The following RXRA variants were observed in gnomAD, a reference collection of about 807,000 sequenced individuals.
RXRA encodes the protein retinoid X receptor alpha, also known as retinoic acid receptor RXR-alpha.
RXRA carries 5 observed loss-of-function variants against 44.5 expected under a neutral mutation model. The observed-to-expected ratio is 0.11, with a 90% CI of 0.06 to 0.24. RXRA has a LOEUF of 0.24. Ranked by LOEUF, RXRA falls within the 10% of genes least tolerant of loss-of-function variation. RXRA has a pLI of 1.00. For synonymous variants in RXRA, 291 were observed against 271.4 expected (o/e 1.07, Z -0.71); for missense variants, 412 against 646.5 (o/e 0.64, Z 3.93).
At chr9:134,403,458 G>T (rs875444) in intron 2 of RXRA, 1 of 152,166 alleles carries the variant, frequency 6.6e-6, no homozygotes, top group Admixed American at 6.5e-5. Flanking sequence ...GCGAGAGGGC[G>T]ATGAAGACTC....
intron 7 of RXRA, among the ~76,000 whole-genome samples, chr9:134,431,644 AG>A (rs1264719040): frequency 2.0e-5 from 3 of 152,146 alleles, no homozygotes; most frequent in Non-Finnish European, 4.4e-5. Context: ...CCCAGAATAA[AG>A]CCCCGCAGGC....
At chr9:134,425,388 A>C (rs919402715) in intron 6 of RXRA, 2 of 985,056 alleles carry the variant, frequency 2.0e-6, no homozygotes, top group African/African-American at 3.5e-5. Context: ...AAACTGAGAC[A>C]GGGCCGGGTC....
At chr9:134,354,176 G>A (rs954212086) in intron 1 of RXRA, among the ~76,000 whole-genome samples, 1 of 152,144 alleles carries the variant, frequency 6.6e-6, no homozygotes. Flanking sequence ...AGGGAAGGTG[G>A]GTTGGTGGAT....
rs566185255 is a variant in RXRA, at chr9:134,417,084, C to T, written c.611-74C>T. The T allele has an allele frequency of 7.5e-5, 113 of 1,496,952 alleles. No homozygotes were observed. The highest frequency in any genetic ancestry group is 5.9e-4 in the African/African-American group (43 of 73,036). 92.7% of individuals were successfully genotyped at this position (1,496,952 alleles called of 1,614,324 possible). A position where few individuals can be genotyped will look rare whatever the true frequency, so the allele number is the denominator to read the frequency against. On this transcript the variant is annotated intron_variant, in intron 4 of 9. Coordinates refer to ENST00000481739, the MANE Select transcript of RXRA (RefSeq NM_002957.6). This position sits in a 1 kb window ranked among gnomAD's most constrained non-coding sequence, Gnocchi z 6.1. ...GAGTTGGCTGGGAGCTGGCACCACC[C>T]GGCCAGGACAGCCTTCCCTGGGAGC...
At chr9:134,408,399 G>A in intron 3 of RXRA, 100 bp downstream of exon 3, 1 of 1,320,224 alleles carries the variant, frequency 7.6e-7, no homozygotes, top group African/African-American at 1.5e-5. Flanking sequence ...GGCCAAGCAG[G>A]ACCCAAGGCC....
intron 1 of RXRA, among the ~76,000 whole-genome samples, chr9:134,353,348 A>G (rs1174472785): frequency 1.3e-5 from 2 of 152,150 alleles, no homozygotes; most frequent in South Asian, 2.1e-4. Context: ...TTGGGCCAGC[A>G]TACTGGAGAG....
intron 1 of RXRA, among the ~76,000 whole-genome samples, chr9:134,399,705 A>T (rs762054170): frequency 1.3e-5 from 2 of 152,206 alleles, no homozygotes; most frequent in Non-Finnish European, 2.9e-5. Context: ...AGTTCAATGA[A>T]ATGGCTTATT....
In RXRA at chr9:134,436,515, C is replaced by G; in HGVS notation, c.1290C>G (p.Leu430=). The stretch of plus-strand genomic sequence containing the variant: ...TGCCGGCTCTGCGCTCCATCGGGCT[C>G]AAATGCCTGGAACATCTCTTCTTCT... The part of the protein sequence containing the change: ...LRLPALRSIG[L]KCLEHLFFFK... Residue 430 remains leucine, a synonymous_variant, in exon 10 of 10, where the codon CTC becomes CTG. Coordinates refer to ENST00000481739, the MANE Select transcript of RXRA (RefSeq NM_002957.6). The G allele has an allele frequency of 6.2e-7, 1 of 1,614,200 alleles. No individual in the cohort carries two copies. The highest frequency in any genetic ancestry group is 8.5e-7 in the Non-Finnish European group (1 of 1,180,036).
At chr9:134,394,951 T>C (rs1461289083) in intron 1 of RXRA, among the ~76,000 whole-genome samples, 1 of 151,924 alleles carries the variant, frequency 6.6e-6, no homozygotes, top group Non-Finnish European at 1.5e-5. Flanking sequence ...TGTGCAGGGG[T>C]GGTGATAATA....
chr9:134,404,458 C>G (rs571576121), intron 2 of RXRA: 1 of 152,520 alleles, frequency 6.6e-6, no homozygotes, highest in African/African-American at 2.4e-5. Context: ...TGGCTGCAGC[C>G]GGCTCACCTG....
At chr9:134,351,883 G>A (rs1830226187) in intron 1 of RXRA, among the ~76,000 whole-genome samples, 1 of 152,218 alleles carries the variant, frequency 6.6e-6, no homozygotes, top group Non-Finnish European at 1.5e-5. Context: ...GGGGCGTGGG[G>A]TGTGCCAGTG....
At chr9:134,388,142 G>A (rs1324608622) in intron 1 of RXRA, among the ~76,000 whole-genome samples, 2 of 149,786 alleles carry the variant, frequency 1.3e-5, no homozygotes, top group Admixed American at 6.6e-5. Context: ...GTGACAGGAG[G>A]TTTGAGTTTG....
At chr9:134,392,909 T>C (rs901418394) in intron 1 of RXRA, among the ~76,000 whole-genome samples, 6 of 151,846 alleles carry the variant, frequency 4.0e-5, no homozygotes, top group African/African-American at 1.5e-4. Context: ...GGGATGGGGC[T>C]CCGAGTCCCA....
intron 1 of RXRA, among the ~76,000 whole-genome samples, chr9:134,364,143 TC>T (rs1263765882): frequency 1.3e-5 from 2 of 151,968 alleles, no homozygotes; most frequent in South Asian, 2.1e-4. Flanking sequence ...CCATTTCTTT[TC>T]CCCCCAAATC....
At chr9:134,419,369 A>T (rs1831290662) in intron 5 of RXRA, among the ~76,000 whole-genome samples, 1 of 152,238 alleles carries the variant, frequency 6.6e-6, no homozygotes, top group Non-Finnish European at 1.5e-5. Flanking sequence ...CAGGGAGTTT[A>T]GAACCACAGA....
chr9:134,360,301 G>T (rs781781276), intron 1 of RXRA, among the ~76,000 whole-genome samples: 1 of 152,192 alleles, frequency 6.6e-6, no homozygotes, highest in African/African-American at 2.4e-5. Flanking sequence ...CCTGTCGGGC[G>T]GCAGGGCAGA....
chr9:134,401,368 C>G (rs34255516), intron 1 of RXRA: 14,907 of 522,774 alleles, frequency 0.029, 261 homozygotes, highest in East Asian at 0.056. Context: ...GGCTCATTCA[C>G]AGCGGGTTCT....
intron 1 of RXRA, among the ~76,000 whole-genome samples, chr9:134,391,899 G>T (rs545447683): frequency 1.3e-5 from 2 of 152,238 alleles, no homozygotes; most frequent in Non-Finnish European, 2.9e-5. Flanking sequence ...CAGGACGGGG[G>T]CAGGAGGAGC....
At chr9:134,424,461 A>G (rs1021393798) in intron 6 of RXRA, 3 of 985,298 alleles carry the variant, frequency 3.0e-6, no homozygotes, top group East Asian at 2.3e-4. Flanking sequence ...CTGCTCATGC[A>G]TGCTTCTGGC....
Sources: allele counts gnomAD v4.1 joint callset (sites outside exome capture counted in the v4.1 genomes callset), GRCh38; gene constraint gnomAD v4.1.1; non-coding constraint Gnocchi (gnomAD v3.1); transcripts MANE v1.5; gene names NCBI Gene and HGNC (gene_info 2026-07-23, HGNC 2026-07-21).